Variants in MAP3K14 observed in about 807,000 individuals in gnomAD.
MAP3K14 encodes the protein NF-kappa-beta-inducing kinase.
In MAP3K14, 16 loss-of-function variants were observed where a neutral mutation model predicts 99.2. The observed-to-expected ratio is 0.16, with a 90% CI of 0.11 to 0.24. The LOEUF is 0.24. Among genes scored for constraint, MAP3K14 ranks in the 10% least tolerant of loss-of-function variants. The pLI, the probability that MAP3K14 is intolerant of heterozygous loss-of-function variation, is 1.00. For synonymous variants in MAP3K14, 462 were observed against 492.4 expected (o/e 0.94, Z 0.82); for missense variants, 784 against 1,208.7 (o/e 0.65, Z 5.21).
At chr17:45,302,589 T>A (rs1210603275) in intron 1 of MAP3K14, among the ~76,000 whole-genome samples, 2 of 152,228 alleles carry the variant, frequency 1.3e-5, no homozygotes, top group Non-Finnish European at 2.9e-5. Context: ...ATTACAGGCA[T>A]GAGCCACTGT....
intron 14 of MAP3K14, chr17:45,266,178 T>C (rs1344666631): frequency 5.1e-6 from 1 of 196,994 alleles, no homozygotes; most frequent in Non-Finnish European, 1.0e-5. Flanking sequence ...GCTGAGTTTT[T>C]GATTAAAATG....
At chr17:45,290,898 C>A in intron 1 of MAP3K14, 133 bp from the exon 2 acceptor site, 1 of 772,862 alleles carries the variant, frequency 1.3e-6, no homozygotes, top group Non-Finnish European at 2.1e-6. Flanking sequence ...GCCACACATA[C>A]TCATCCTCCA....
Position 45,290,717 on chromosome 17 carries a change from C to T in MAP3K14, c.29G>A (p.Gly10Asp). The change falls in exon 2 of 16, where the codon GGT (glycine) becomes GAT (aspartate). Residue 10 changes from glycine (G) to aspartate (D), a missense_variant. Physicochemically the swap from Gly to Asp is moderately conservative, Grantham distance 94. Coordinates refer to ENST00000344686, the MANE Select transcript of MAP3K14 (RefSeq NM_003954.5). The part of the protein sequence containing the change: MAVMEMACP[G>D]APGSAVGQQK... Reference sequence around the variant, plus strand: ...CTGCCCCACTGCTGAGCCAGGGGCACCTGGGCAGGCCATTTCCATCACTGC... The same window carrying T: ...CTGCCCCACTGCTGAGCCAGGGGCATCTGGGCAGGCCATTTCCATCACTGC... 6.2e-7 allele frequency: 1 copy of T among 1,613,332 alleles called. No homozygotes were observed.
At chr17:45,279,557 C>T (rs1324026186) in intron 6 of MAP3K14, among the ~76,000 whole-genome samples, 3 of 152,032 alleles carry the variant, frequency 2.0e-5, no homozygotes, top group Admixed American at 1.3e-4. Context: ...CTCGGCCTCC[C>T]GAGTAGCTGG....
rs2044267781 is a variant in MAP3K14 at position 45,286,664 on chromosome 17, C to T, written c.919G>A (p.Val307Ile). Residue 307 changes from valine (V) to isoleucine (I), a missense_variant, in exon 5 of 16, where the codon GTA (valine) becomes ATA (isoleucine). Val to Ile is a conservative substitution (Grantham distance 29). This residue lies in a region of MAP3K14 where 138 missense variants were observed against 164.1 expected (regional missense o/e 0.84). Transcript: ENST00000344686. The surrounding 1 kb of genome is among the most constrained non-coding windows in gnomAD (Gnocchi z 4.1). ...PDPHLSKLAC[V>I]DSPKPLPGPH... is the part of the protein sequence containing the mutation. ...CCAGGCAGGGGCTTTGGACTGTCTA[C>T]ACAGGCCAGTTTGCTCAGGTGTGGG... 1 of 1,610,262 alleles carries T rather than the reference C, an allele frequency of 6.2e-7. No individual in the cohort carries two copies. Among genetic ancestry groups the T allele is most frequent in the African/African-American group, 1.3e-5 (1 of 74,858 alleles).
At chr17:45,287,625 T>G (rs1423938293) in intron 3 of MAP3K14, among the ~76,000 whole-genome samples, 1 of 152,246 alleles carries the variant, frequency 6.6e-6, no homozygotes, top group Non-Finnish European at 1.5e-5. Flanking sequence ...CCCAGCTCAG[T>G]GTCTGGCCCC....
chr17:45,275,760 C>CTTTT (rs369154222), intron 6 of MAP3K14, among the ~76,000 whole-genome samples: 22 of 123,524 alleles, frequency 1.8e-4, no homozygotes, highest in South Asian at 2.6e-4. Flanking sequence ...CTTTTCTTTT[C>CTTTT]TTTTTTTTTT....
chr17:45,306,286 A>G (rs1037004626), intron 1 of MAP3K14, among the ~76,000 whole-genome samples: 3 of 151,986 alleles, frequency 2.0e-5, no homozygotes, highest in Non-Finnish European at 2.9e-5. Flanking sequence ...GTCAAAGCCC[A>G]TACTCTTAAC....
chr17:45,275,044 CAGG>C (rs1191251780), intron 6 of MAP3K14, among the ~76,000 whole-genome samples: 1 of 151,686 alleles, frequency 6.6e-6, no homozygotes, highest in African/African-American at 2.4e-5. Context: ...GAGGCTGAGG[CAGG>C]AGAATGGCGT....
intron 10 of MAP3K14, 55 bp from the exon 11 acceptor site, chr17:45,270,618 G>A (rs534856624): frequency 2.3e-5 from 34 of 1,493,384 alleles, no homozygotes; most frequent in South Asian, 4.1e-5. Context: ...CCTGATACCC[G>A]GCTGTTATTG....
chr17:45,280,871 A>G (rs1175806077), intron 6 of MAP3K14, among the ~76,000 whole-genome samples: 1 of 152,098 alleles, frequency 6.6e-6, no homozygotes, highest in Non-Finnish European at 1.5e-5. Context: ...TTGGCCTTCC[A>G]AAGTGCTGGG....
chr17:45,307,527 T>A (rs1429882542), intron 1 of MAP3K14, among the ~76,000 whole-genome samples: 1 of 152,134 alleles, frequency 6.6e-6, no homozygotes, highest in Non-Finnish European at 1.5e-5. Context: ...ACAAGCAGCA[T>A]TTTGGTTGTG....
chr17:45,289,687 G>A (rs376784001), intron 2 of MAP3K14, among the ~76,000 whole-genome samples: 1 of 152,142 alleles, frequency 6.6e-6, no homozygotes, highest in Non-Finnish European at 1.5e-5. Flanking sequence ...ATATAAGTGT[G>A]GATATATGTG....
At chr17:45,287,495 G>T in intron 3 of MAP3K14, 131 bp from the exon 4 acceptor site, 1 of 700,466 alleles carries the variant, frequency 1.4e-6, no homozygotes, top group Non-Finnish European at 2.4e-6. Flanking sequence ...TGTGAATGCG[G>T]CAAGGTTTCT....
At chr17:45,268,156 A>G in intron 11 of MAP3K14, 1 of 175,652 alleles carries the variant, frequency 5.7e-6, no homozygotes, top group Non-Finnish European at 1.2e-5. Context: ...CTCCTACCCC[A>G]TCCTCAGTCG....
intron 1 of MAP3K14, among the ~76,000 whole-genome samples, chr17:45,303,477 C>T (rs1211210093): frequency 6.6e-6 from 1 of 152,150 alleles, no homozygotes; most frequent in Non-Finnish European, 1.5e-5. Context: ...AGGAGAATCA[C>T]TTGAGCCCAG....
intron 1 of MAP3K14, among the ~76,000 whole-genome samples, chr17:45,296,615 G>A (rs900774650): frequency 2.6e-5 from 4 of 152,168 alleles, no homozygotes; most frequent in African/African-American, 9.7e-5. Context: ...GCCATCTGGC[G>A]AGGCAGACTC....
Position 45,273,913 on chromosome 17 carries a change from T to C in MAP3K14, c.1552+210A>G, listed in dbSNP as rs35617930. On this transcript the variant is annotated intron_variant, in intron 8 of 15. Transcript: ENST00000344686. ...CAGTGGGTGGGAGCTTGACCTTCGG[T>C]TCTCTGTGGCCACCGTCTACCAGAA... The C allele has an allele frequency of 3.8e-5, 26 of 689,632 alleles. No individual in the cohort carries two copies. In the African/African-American group the frequency reaches 4.5e-4, roughly 12 times the overall value. 42.7% of individuals were successfully genotyped at this position (689,632 alleles called of 1,614,324 possible). A position where few individuals can be genotyped will look rare whatever the true frequency, so the allele number is the denominator to read the frequency against.
chr17:45,274,385 A>G (rs1457754359), intron 7 of MAP3K14, 79 bp downstream of exon 7: 2 of 1,591,482 alleles, frequency 1.3e-6, no homozygotes, highest in African/African-American at 1.3e-5. Flanking sequence ...TAGATCAGTG[A>G]CCAAGGCCAA....
Sources: allele counts gnomAD v4.1 joint callset (sites outside exome capture counted in the v4.1 genomes callset), GRCh38; gene constraint gnomAD v4.1.1; regional missense constraint gnomAD v4.1.1; non-coding constraint Gnocchi (gnomAD v3.1); transcripts MANE v1.5; gene names NCBI Gene and HGNC (gene_info 2026-07-23, HGNC 2026-07-21).